EPCAM: variants seen among roughly 807,000 people sequenced by gnomAD.
EPCAM encodes adenocarcinoma-associated antigen.
EPCAM carries 39 observed loss-of-function variants against 40.0 expected under a neutral mutation model. The ratio of observed to expected loss-of-function variants is 0.98; its 90% CI spans 0.76 to 1.27. The LOEUF is 1.27. Among genes scored for constraint, EPCAM ranks in the 50% most tolerant of loss-of-function variants. The probability of loss-of-function intolerance (pLI) is 0.00; values close to 1 mark genes in which losing one functional copy is unlikely to be tolerated. For synonymous variants in EPCAM, 168 were observed against 132.3 expected (o/e 1.27, Z -1.85); for missense variants, 503 against 381.2 (o/e 1.32, Z -2.66).
At position 47,373,504 on chromosome 2, in the gene EPCAM, G is replaced by A. The variant is rs372660671; in HGVS notation, c.118G>A (p.Val40Met). 1 of 1,613,586 alleles carries A rather than the reference G, an allele frequency of 6.2e-7. No homozygotes were observed. The highest frequency in any genetic ancestry group is 1.3e-5 in the African/African-American group (1 of 74,862). Residue 40 changes from valine to methionine, a missense_variant, in exon 2 of 9, where the codon GTG becomes ATG. Transcript: ENST00000263735. ...CTACAAGCTGGCCGTAAACTGCTTT[G>A]TGAATAATAATCGTCAATGCCAGTG... ...ENYKLAVNCF[V>M]NNNRQCQCTS...
intron 8 of EPCAM, among the ~76,000 whole-genome samples, chr2:47,386,321 A>C (rs972004517): frequency 1.4e-4 from 22 of 152,228 alleles, no homozygotes; most frequent in Admixed American, 9.8e-4. Flanking sequence ...CTTATTCTTA[A>C]TGATCTAGCT....
chr2:47,370,536 A>G (rs889535197), intron 1 of EPCAM, among the ~76,000 whole-genome samples: 2 of 150,976 alleles, frequency 1.3e-5, no homozygotes, highest in Non-Finnish European at 2.9e-5. Flanking sequence ...CGGCCTCCCA[A>G]AGTGCTGTGA....
chr2:47,369,636 GC>G, intron 1 of EPCAM, 55 bp downstream of exon 1: 10 of 1,499,744 alleles, frequency 6.7e-6, no homozygotes, highest in East Asian at 2.4e-5. Flanking sequence ...GGGGGCAGCG[GC>G]CCCCGGCCCT....
In EPCAM at chr2:47,385,157, T is replaced by A. The variant is rs2103768403; in HGVS notation, c.859-9T>A. ...GTCCTAAAACAATAGTTGTCTTTCT[T>A]CCACTCAGGTTATTTCCAGAAAGAA... On this transcript the variant is annotated splice_polypyrimidine_tract_variant and intron_variant, in intron 7 of 8. Coordinates refer to ENST00000263735, the MANE Select transcript of EPCAM (RefSeq NM_002354.3). 1 of 1,609,510 alleles carries A rather than the reference T, an allele frequency of 6.2e-7. No individual in the cohort carries two copies. Among genetic ancestry groups the A allele is most frequent in the Non-Finnish European group, 8.5e-7 (1 of 1,175,954 alleles).
At chr2:47,371,787 C>T (rs1160339165) in intron 1 of EPCAM, among the ~76,000 whole-genome samples, 1 of 152,088 alleles carries the variant, frequency 6.6e-6, no homozygotes, top group Admixed American at 6.6e-5. Flanking sequence ...CCTTTTGTGA[C>T]CCCAGTATTG....
At chr2:47,373,397 A>T (rs2103745261) in intron 1 of EPCAM, 66 bp from the exon 2 acceptor site, 1 of 983,548 alleles carries the variant, frequency 1.0e-6, no homozygotes, top group Non-Finnish European at 1.6e-6. Flanking sequence ...TTACAATATA[A>T]CTTAGCTGGG....
intron 6 of EPCAM, among the ~76,000 whole-genome samples, 183 bp downstream of exon 6, chr2:47,379,237 T>C (rs1001411264): frequency 6.6e-6 from 1 of 152,224 alleles, no homozygotes; most frequent in Non-Finnish European, 1.5e-5. Flanking sequence ...ATGCCTCTTA[T>C]CAAATTGTTC....
chr2:47,371,638 A>T (rs1671272948), intron 1 of EPCAM, among the ~76,000 whole-genome samples: 1 of 152,194 alleles, frequency 6.6e-6, no homozygotes, highest in South Asian at 2.1e-4. Flanking sequence ...TAGCTGCTAC[A>T]GGTTTGTGCT....
intron 4 of EPCAM, 105 bp downstream of exon 4, chr2:47,375,404 AAAAT>A: frequency 1.3e-6 from 1 of 762,758 alleles, no homozygotes; most frequent in Non-Finnish European, 2.3e-6. Context: ...ATATTTCTGA[AAAAT>A]AAAGTTACTT....
chr2:47,374,472 C>G (rs1055806699), intron 3 of EPCAM, among the ~76,000 whole-genome samples: 13 of 152,042 alleles, frequency 8.6e-5, no homozygotes, highest in Non-Finnish European at 2.9e-5. Context: ...TGAAAAGGCA[C>G]AGAAACCCAC....
chr2:47,369,542 C>CTTGCCGCGGCGACGGCGACTT lies in EPCAM; in HGVS notation c.45_65dup (p.Thr17_Ala23dup). The CTTGCCGCGGCGACGGCGACTT allele has an allele frequency of 6.3e-7, 1 of 1,584,668 alleles. No individual in the cohort carries two copies. Among genetic ancestry groups the CTTGCCGCGGCGACGGCGACTT allele is most frequent in the Non-Finnish European group, 8.5e-7 (1 of 1,169,884 alleles). On this transcript the variant is annotated inframe_insertion, in exon 1 of 9. Coordinates refer to ENST00000263735, the MANE Select transcript of EPCAM (RefSeq NM_002354.3). ...GCAGGTCCTCGCGTTCGGGCTTCTG[C>CTTGCCGCGGCGACGGCGACTT]TTGCCGCGGCGACGGCGACTTTTGC...
At chr2:47,371,833 C>G (rs58676151) in intron 1 of EPCAM, among the ~76,000 whole-genome samples, 10 of 152,078 alleles carry the variant, frequency 6.6e-5, no homozygotes, top group Non-Finnish European at 4.4e-5. Flanking sequence ...TGGTTCATAT[C>G]GACTATAACT....
rs116311047 is a variant in EPCAM at position 47,379,223 on chromosome 2, A to G, written c.657+169A>G. ...TCACATGCATCTTGCTTGTTTGTAT[A>G]TTTATGCCTCTTATCAAATTGTTCT... On this transcript the variant is annotated intron_variant, in intron 6 of 8. Coordinates refer to ENST00000263735, the MANE Select transcript of EPCAM (RefSeq NM_002354.3). 3.8e-3 allele frequency among the ~76,000 whole-genome samples: 578 copies of G among 152,208 alleles called. 4 individuals carry two copies. The highest frequency in any genetic ancestry group is 0.013 in the African/African-American group (529 of 41,530).
intron 5 of EPCAM, among the ~76,000 whole-genome samples, chr2:47,377,378 A>G (rs1260404953): frequency 6.6e-6 from 1 of 152,034 alleles, no homozygotes; most frequent in Non-Finnish European, 1.5e-5. Flanking sequence ...CTGGGACTAC[A>G]GGCACATGTC....
At chr2:47,381,014 A>T (rs570625841) in intron 7 of EPCAM, among the ~76,000 whole-genome samples, 1 of 136,304 alleles carries the variant, frequency 7.3e-6, no homozygotes, top group East Asian at 2.4e-4. Context: ...TGAACCTGGG[A>T]AGCAGAGGTT....
chr2:47,374,248 C>G (rs1056171542), intron 3 of EPCAM, among the ~76,000 whole-genome samples, 200 bp downstream of exon 3: 1 of 151,990 alleles, frequency 6.6e-6, no homozygotes, highest in East Asian at 1.9e-4. Flanking sequence ...ATTCTATAAC[C>G]TTCCAGAGAT....
At chr2:47,371,036 C>T (rs1671248551) in intron 1 of EPCAM, among the ~76,000 whole-genome samples, 1 of 151,598 alleles carries the variant, frequency 6.6e-6, no homozygotes, top group South Asian at 2.1e-4. Context: ...GTAGAGACGA[C>T]ATCTCACTAT....
At chr2:47,383,652 T>TG in intron 7 of EPCAM, among the ~76,000 whole-genome samples, 1 of 99,330 alleles carries the variant, frequency 1.0e-5, no homozygotes, top group Admixed American at 1.1e-4. Flanking sequence ...TTTTTTTTTT[T>TG]GAGATGGAGT....
chr2:47,370,425 C>T (rs1196281914), intron 1 of EPCAM, among the ~76,000 whole-genome samples: 2 of 151,430 alleles, frequency 1.3e-5, no homozygotes, highest in Non-Finnish European at 2.9e-5. Context: ...TACAGGCGCG[C>T]GCCACCACCC....
Sources: allele counts gnomAD v4.1 joint callset (sites outside exome capture counted in the v4.1 genomes callset), GRCh38; gene constraint gnomAD v4.1.1; transcripts MANE v1.5; gene names NCBI Gene and HGNC (gene_info 2026-07-23, HGNC 2026-07-21).